The following EZH1 variants were observed in gnomAD, a reference collection of about 807,000 sequenced individuals.
EZH1 encodes the protein histone-lysine N-methyltransferase EZH1.
Under a neutral mutation model 100.5 loss-of-function variants are expected in EZH1, and 33 were observed. That is an observed-to-expected ratio of 0.33 (90% confidence interval 0.25 to 0.44). EZH1 has a LOEUF of 0.44. Ranked by LOEUF, EZH1 falls within the 20% of genes least tolerant of loss-of-function variation. EZH1 has a pLI of 1.00. For missense variants in EZH1, 475 were observed against 928.4 expected (o/e 0.51, Z 6.35); for synonymous variants, 272 against 313.8 (o/e 0.87, Z 1.41).
chr17:42,706,724 A>G lies in EZH1; in HGVS notation c.1661-539T>C, dbSNP rs1270438988. Among the ~76,000 whole-genome samples the G allele has an allele frequency of 6.6e-6, 1 of 152,012 alleles. No individual in the cohort carries two copies. Among genetic ancestry groups the G allele is most frequent in the Non-Finnish European group, 1.5e-5 (1 of 67,996 alleles). On this transcript the variant is annotated intron_variant, in intron 15 of 20. Transcript: ENST00000428826. This position sits in a 1 kb window ranked among gnomAD's most constrained non-coding sequence, Gnocchi z 4.4. ...AAAAAATGAAAAAAAAAGCAGGTAT[A>G]CTAATAAGAAGTGTCCCCTAGAGAT...
chr17:42,715,272 A>T (rs867129678), intron 10 of EZH1, among the ~76,000 whole-genome samples: 1 of 143,224 alleles, frequency 7.0e-6, no homozygotes, highest in Admixed American at 7.3e-5. Context: ...ATATGTATTT[A>T]TATATATATA....
At chr17:42,733,096 G>C (rs2053986186) in intron 1 of EZH1, among the ~76,000 whole-genome samples, 1 of 150,790 alleles carries the variant, frequency 6.6e-6, no homozygotes. Context: ...CCAGCACTCT[G>C]AAAGGCCGAG....
intron 13 of EZH1, 103 bp downstream of exon 13, chr17:42,709,743 G>T (rs2053439019): frequency 9.5e-7 from 1 of 1,049,500 alleles, no homozygotes; most frequent in Non-Finnish European, 1.4e-6. Flanking sequence ...CACACAGCCT[G>T]TGCGGTTGCT....
chr17:42,738,193 A>G (rs1258572925), intron 1 of EZH1, among the ~76,000 whole-genome samples: 1 of 151,500 alleles, frequency 6.6e-6, no homozygotes, highest in Admixed American at 6.6e-5. Context: ...AAAAAAAAAA[A>G]AAAATTTAAG....
chr17:42,709,482 C>T (rs1321558831), intron 13 of EZH1: 1 of 194,930 alleles, frequency 5.1e-6, no homozygotes, highest in East Asian at 1.2e-4. Context: ...ACAACACAAA[C>T]CAAACAAATA....
chr17:42,705,100 T>C lies in EZH1; in HGVS notation c.1923A>G (p.Glu641=). 2.5e-6 allele frequency: 4 copies of C among 1,613,526 alleles called. No individual in the cohort carries two copies. Among genetic ancestry groups the C allele is most frequent in the Non-Finnish European group, 3.4e-6 (4 of 1,179,632 alleles). The change falls in exon 17 of 21, where the codon GAA becomes GAG. Residue 641 remains glutamate (E), a synonymous_variant. Transcript: ENST00000428826. ...CTATAGCACTCACCTCACCACAGTATTCAGAAATGAATTCGTTCTTCTGCA... is the reference window on the plus strand; with the variant it reads ...CTATAGCACTCACCTCACCACAGTACTCAGAAATGAATTCGTTCTTCTGCA... The part of the protein sequence containing the change: ...ESVQKNEFIS[E]YCGELISQDE...
chr17:42,737,355 C>G (rs183382187), intron 1 of EZH1, among the ~76,000 whole-genome samples: 33 of 152,324 alleles, frequency 2.2e-4, no homozygotes, highest in African/African-American at 6.3e-4. Context: ...AATTCCAACA[C>G]TTTTGGAGGC....
intron 10 of EZH1, among the ~76,000 whole-genome samples, chr17:42,716,393 G>C (rs914461533): frequency 1.3e-5 from 2 of 152,162 alleles, no homozygotes; most frequent in Non-Finnish European, 2.9e-5. Flanking sequence ...TCAAATCCAG[G>C]AAGAAGGTAT....
chr17:42,744,955 G>A, intron 1 of EZH1, 56 bp downstream of exon 1: 1 of 1,253,326 alleles, frequency 8.0e-7, no homozygotes, highest in Non-Finnish European at 1.0e-6. Flanking sequence ...GGCCCAGGGC[G>A]GCGAGGGGAG....
intron 2 of EZH1, 61 bp from the exon 3 acceptor site, chr17:42,729,013 T>TAAA: frequency 1.7e-6 from 2 of 1,168,492 alleles, no homozygotes; most frequent in Admixed American, 3.7e-5. Flanking sequence ...ATTCCTCAAA[T>TAAA]ACAAAAAAAA....
intron 12 of EZH1, 112 bp from the exon 13 acceptor site, chr17:42,710,049 G>C: frequency 2.4e-6 from 2 of 833,810 alleles, no homozygotes; most frequent in South Asian, 1.4e-5. Flanking sequence ...AGCTGACCAA[G>C]CCTCTCATCA....
At chr17:42,725,242 C>T (rs537932517) in intron 4 of EZH1, among the ~76,000 whole-genome samples, 2 of 152,046 alleles carry the variant, frequency 1.3e-5, no homozygotes, top group East Asian at 3.9e-4. Context: ...AAAAGGAATC[C>T]CTAGACTGCA....
At chr17:42,744,276 C>T (rs189928170) in intron 1 of EZH1, among the ~76,000 whole-genome samples, 1 of 152,172 alleles carries the variant, frequency 6.6e-6, no homozygotes, top group African/African-American at 2.4e-5. Flanking sequence ...GTCCCAAATA[C>T]AACACCTTGT....
chr17:42,727,711 T>C lies in EZH1; in HGVS notation c.170A>G (p.Asn57Ser), dbSNP rs145586889. The C allele has an allele frequency of 1.6e-5, 26 of 1,608,152 alleles. No individual in the cohort carries two copies. Among genetic ancestry groups the C allele is most frequent in the Middle Eastern group, 1.6e-4 (1 of 6,068 alleles). ...GACACGAAGCTTCTTCCATTCTTCA[T>C]TGAGGATCTGGGTTTTTTCTTGAAC... ...AKVQEKTQILNEEWKKLRVQP... is the reference protein window; with the variant it reads ...AKVQEKTQILSEEWKKLRVQP... The change falls in exon 4 of 21, where the codon AAT (asparagine) becomes AGT (serine). Residue 57 changes from asparagine (N) to serine (S), a missense_variant. Asn to Ser is a conservative substitution (Grantham distance 46). Transcript: ENST00000428826.
chr17:42,707,092 T>C (rs907352484), intron 15 of EZH1, among the ~76,000 whole-genome samples: 2 of 152,184 alleles, frequency 1.3e-5, no homozygotes, highest in Non-Finnish European at 2.9e-5. Context: ...CGGATGTCTC[T>C]GCTGACATCC....
chr17:42,728,771 C>T (rs2143834258), intron 3 of EZH1, 54 bp downstream of exon 3: 6 of 1,557,248 alleles, frequency 3.9e-6, no homozygotes, highest in Admixed American at 3.8e-5. Flanking sequence ...AACCCCTTTA[C>T]ACTGGGTCAG....
chr17:42,705,041 A>G, intron 17 of EZH1, 47 bp downstream of exon 17: 4 of 1,464,556 alleles, frequency 2.7e-6, no homozygotes, highest in South Asian at 1.1e-5. Flanking sequence ...AGAGTTTCTC[A>G]TCAGTCTCCC....
At chr17:42,729,363 C>T (rs1168206300) in intron 2 of EZH1, 9 of 167,320 alleles carry the variant, frequency 5.4e-5, no homozygotes, top group Non-Finnish European at 1.0e-4. Flanking sequence ...GCCGTGACCA[C>T]GCCACTGCAC....
rs2053442552 is a variant in EZH1 at position 42,709,923 on chromosome 17, T to C, written c.1416A>G (p.Ala472=). ...GCTTCAGGATAAGTGATTCTTTGAC[T>C]GCAAACTGAAAGACCTGGAAGAGAA... is the stretch of plus-strand genomic sequence containing the variant. ...TKTCKQVFQF[A]VKESLILKLP... The change falls in exon 13 of 21, where the codon GCA becomes GCG. Residue 472 remains alanine (A), a synonymous_variant. Transcript: ENST00000428826. 6.2e-7 allele frequency: 1 copy of C among 1,614,162 alleles called. No homozygotes were observed. Among genetic ancestry groups the C allele is most frequent in the African/African-American group, 1.3e-5 (1 of 75,052 alleles).
Sources: allele counts gnomAD v4.1 joint callset (sites outside exome capture counted in the v4.1 genomes callset), GRCh38; gene constraint gnomAD v4.1.1; non-coding constraint Gnocchi (gnomAD v3.1); transcripts MANE v1.5; gene names NCBI Gene and HGNC (gene_info 2026-07-23, HGNC 2026-07-21).